The following RCOR1 variants were observed in gnomAD, a reference collection of about 807,000 sequenced individuals.
RCOR1 encodes REST corepressor 1.
Under a neutral mutation model 64.0 loss-of-function variants are expected in RCOR1, and 12 were observed. The ratio of observed to expected loss-of-function variants is 0.19; its 90% confidence interval spans 0.12 to 0.30. The LOEUF is 0.30. Ranked by LOEUF, RCOR1 falls within the 10% of genes least tolerant of loss-of-function variation. The pLI, the probability that RCOR1 is intolerant of heterozygous loss-of-function variation, is 1.00. For synonymous variants in RCOR1, 279 were observed against 227.2 expected, an observed-to-expected ratio of 1.23 and a Z score of -2.05; for missense variants, 502 against 621.2, an observed-to-expected ratio of 0.81 and a Z score of 2.04.
At chr14:102,615,134 C>G (rs1465224312) in intron 2 of RCOR1, among the ~76,000 whole-genome samples, 1 of 144,662 alleles carries the variant, frequency 6.9e-6, no homozygotes, top group Non-Finnish European at 1.5e-5. Context: ...CCCGGCCCCC[C>G]CGCCCCCACC....
At chr14:102,631,442 A>ATCC (rs1178185830) in intron 2 of RCOR1, among the ~76,000 whole-genome samples, 1 of 151,536 alleles carries the variant, frequency 6.6e-6, no homozygotes, top group African/African-American at 2.4e-5. Context: ...TGACCTCATG[A>ATCC]TCCGCCTGCC....
At chr14:102,608,119 G>A (rs998682348) in intron 2 of RCOR1, among the ~76,000 whole-genome samples, 6 of 151,824 alleles carry the variant, frequency 4.0e-5, no homozygotes, top group African/African-American at 1.2e-4. Flanking sequence ...CAGTGCACTC[G>A]CATTGTTGTG....
At chr14:102,690,409 G>A (rs971301911) in intron 3 of RCOR1, among the ~76,000 whole-genome samples, 1 of 151,948 alleles carries the variant, frequency 6.6e-6, no homozygotes, top group Non-Finnish European at 1.5e-5. Context: ...CACACCCTGG[G>A]CAGCATGGCA....
chr14:102,640,233 A>T (rs1403849964), intron 2 of RCOR1, among the ~76,000 whole-genome samples: 29 of 152,180 alleles, frequency 1.9e-4, no homozygotes, highest in Admixed American at 1.9e-3. Context: ...CGCCCACCTC[A>T]GCCTCCTAAA....
intron 2 of RCOR1, among the ~76,000 whole-genome samples, chr14:102,620,786 C>T (rs1893857326): frequency 6.6e-6 from 1 of 152,144 alleles, no homozygotes; most frequent in Non-Finnish European, 1.5e-5. Context: ...TCCCATTTCA[C>T]TTAGAGTAAA....
chr14:102,598,646 C>A (rs1293103302), intron 2 of RCOR1, among the ~76,000 whole-genome samples: 4 of 151,902 alleles, frequency 2.6e-5, no homozygotes, highest in African/African-American at 9.7e-5. Context: ...GACGGGGTTC[C>A]ACCATGTTAG....
intron 2 of RCOR1, among the ~76,000 whole-genome samples, chr14:102,602,288 T>C (rs903690692): frequency 2.6e-5 from 4 of 152,184 alleles, no homozygotes; most frequent in African/African-American, 7.2e-5. Context: ...GGTAAACAAC[T>C]TTGTTTTCAC....
intron 4 of RCOR1, among the ~76,000 whole-genome samples, chr14:102,702,677 C>G (rs1446989257): frequency 1.3e-5 from 2 of 152,122 alleles, no homozygotes; most frequent in African/African-American, 2.4e-5. Context: ...TATACTCAGG[C>G]TGATCCTCAC....
chr14:102,629,767 G>A (rs1026643606), intron 2 of RCOR1, among the ~76,000 whole-genome samples: 1 of 152,126 alleles, frequency 6.6e-6, no homozygotes, highest in Admixed American at 6.6e-5. Context: ...GAGTGTAAGG[G>A]CAGCACTGTG....
In RCOR1 at chr14:102,648,067, C is replaced by T. The variant is rs1051715262; in HGVS notation, c.362-33828C>T. 3.9e-5 allele frequency among the ~76,000 whole-genome samples: 6 copies of T among 152,044 alleles called. No homozygotes were observed. The East Asian group carries it at 1.2e-3, about 29-fold the overall frequency. On this transcript the variant is annotated intron_variant, in intron 2 of 11. Coordinates refer to ENST00000262241, the MANE Select transcript of RCOR1 (RefSeq NM_015156.4). ...ACTCCTGTGTCCTTTTGACAAATAT[C>T]TATAATCCTTTATTTATTTTTATTT...
chr14:102,594,148 C>T (rs1320556113), intron 2 of RCOR1, among the ~76,000 whole-genome samples: 3 of 152,146 alleles, frequency 2.0e-5, no homozygotes, highest in Admixed American at 6.6e-5. Flanking sequence ...AGGAATTCGT[C>T]AGATTTTAAT....
intron 2 of RCOR1, among the ~76,000 whole-genome samples, chr14:102,595,883 AT>A (rs1893232206): frequency 1.3e-5 from 2 of 151,102 alleles, no homozygotes; most frequent in African/African-American, 2.4e-5. Context: ...CCGGCCCCAA[AT>A]TTCTTTATTT....
At chr14:102,689,031 T>C (rs1255321666) in intron 3 of RCOR1, among the ~76,000 whole-genome samples, 1 of 152,212 alleles carries the variant, frequency 6.6e-6, no homozygotes, top group Non-Finnish European at 1.5e-5. Context: ...CAGTGTACTT[T>C]TGACAGTCCC....
At chr14:102,672,656 A>G (rs1356496043) in intron 2 of RCOR1, among the ~76,000 whole-genome samples, 6 of 152,208 alleles carry the variant, frequency 3.9e-5, no homozygotes, top group South Asian at 2.1e-4. Context: ...AACTTATCCA[A>G]TATGCTCAAC....
intron 11 of RCOR1, among the ~76,000 whole-genome samples, chr14:102,725,041 A>G (rs1010140628): frequency 6.6e-6 from 1 of 152,222 alleles, no homozygotes; most frequent in Non-Finnish European, 1.5e-5. Context: ...TAGGTAGCCC[A>G]AGGCATTTTG....
intron 2 of RCOR1, among the ~76,000 whole-genome samples, chr14:102,626,432 G>C (rs1450070070): frequency 6.6e-6 from 1 of 152,226 alleles, no homozygotes; most frequent in Admixed American, 6.5e-5. Flanking sequence ...AAGAACCTTA[G>C]CTGGCTGCTC....
At chr14:102,612,930 C>G (rs1893661672) in intron 2 of RCOR1, among the ~76,000 whole-genome samples, 1 of 141,516 alleles carries the variant, frequency 7.1e-6, no homozygotes, top group Admixed American at 7.4e-5. Flanking sequence ...GCATTTTAGC[C>G]TGAGAGACAG....
At chr14:102,674,244 G>A (rs1039355517) in intron 2 of RCOR1, among the ~76,000 whole-genome samples, 7 of 152,136 alleles carry the variant, frequency 4.6e-5, no homozygotes, top group Admixed American at 4.6e-4. Context: ...GTAATCAAGA[G>A]ATTATAGATG....
chr14:102,702,209 T>C lies in RCOR1; in HGVS notation c.498+879T>C, dbSNP rs59694128. On this transcript the variant is annotated intron_variant, in intron 4 of 11. Transcript: ENST00000262241. ...AGATTATGTGAAATTGTACCCTTTC[T>C]TTTGGACTTGGCCTTACATTTAATT... Among the ~76,000 whole-genome samples, 924 of 152,284 alleles carry C rather than the reference T, an allele frequency of 6.1e-3. 10 individuals carry two copies. Among genetic ancestry groups the C allele is most frequent in the African/African-American group, 0.021 (891 of 41,564 alleles).
Sources: gnomAD v4.1 joint callset for allele counts (sites outside exome capture counted in the v4.1 genomes callset) on GRCh38, gnomAD v4.1.1 for gene constraint, MANE v1.5 for transcripts, NCBI Gene and HGNC (gene_info 2026-07-23, HGNC 2026-07-21) for gene names.